IFT172: variants seen among roughly 807,000 people sequenced by gnomAD.
IFT172 encodes intraflagellar transport 172, also known as intraflagellar transport protein 172 homolog.
A neutral mutation model predicts 248.9 loss-of-function variants in IFT172; 164 were observed. The ratio of observed to expected loss-of-function variants is 0.66; its 90% confidence interval spans 0.58 to 0.75. The LOEUF (loss-of-function observed/expected upper bound fraction) is 0.75, where lower values mean the gene tolerates loss of function less well. Ranked by LOEUF, IFT172 falls within the 30% of genes least tolerant of loss-of-function variation. The pLI is 0.00. For missense variants in IFT172, 1,950 were observed against 2,192.4 expected (o/e 0.89, Z 2.21); for synonymous variants, 729 against 791.6 (o/e 0.92, Z 1.33).
Position 27,465,869 on chromosome 2 carries a change from C to G in IFT172, c.1706G>C (p.Gly569Ala). 1 of 1,614,094 alleles carries G rather than the reference C, an allele frequency of 6.2e-7. No individual in the cohort carries two copies. Among genetic ancestry groups the G allele is most frequent in the South Asian group, 1.1e-5 (1 of 91,082 alleles). ...TMFTIRGDVI[G>A]LERGGGKTEV... ...GGTCTTTCCCCCGCCCCGCTCCAGA[C>G]CTATAACATCACCCTGTAAAAGTTT... Residue 569 changes from glycine to alanine, a missense_variant, in exon 17 of 48, where the codon GGT (glycine) becomes GCT (alanine). By Grantham distance (60) the Gly-to-Ala change is moderately conservative (BLOSUM62 0). Coordinates refer to ENST00000260570, the MANE Select transcript of IFT172 (RefSeq NM_015662.3).
intron 26 of IFT172, 54 bp from the exon 27 acceptor site, chr2:27,458,277 G>A (rs1407782104): frequency 1.4e-6 from 2 of 1,466,272 alleles, no homozygotes; most frequent in Non-Finnish European, 1.9e-6. Flanking sequence ...AGGGAAGCAG[G>A]GCTTCAAGGA....
rs1332644884 is a variant in IFT172, at chr2:27,463,185, T to C, written c.1938-4A>G. ...TTGGCCCAAAGCAGAAAAGCACCTA[T>C]GGCATGGAAGCAATAACATTAATAG... On this transcript the variant is annotated splice_region_variant and splice_polypyrimidine_tract_variant and intron_variant, in intron 18 of 47. Coordinates refer to ENST00000260570, the MANE Select transcript of IFT172 (RefSeq NM_015662.3). The C allele has an allele frequency of 6.2e-7, 1 of 1,613,704 alleles. No homozygotes were observed. The highest frequency in any genetic ancestry group is 8.5e-7 in the Non-Finnish European group (1 of 1,179,624).
In IFT172 at chr2:27,485,435, C is replaced by T. The variant is rs1251466028; in HGVS notation, c.108G>A (p.Val36=). The T allele has an allele frequency of 5.6e-6, 9 of 1,614,036 alleles. No individual in the cohort carries two copies. Among genetic ancestry groups the T allele is most frequent in the Non-Finnish European group, 7.6e-6 (9 of 1,180,018 alleles). Residue 36 remains valine, a synonymous_variant, in exon 2 of 48, where the codon GTG becomes GTA. Transcript: ENST00000260570. ...CATCATACAGCAAGACCACTCGGTC[C>T]ACTGTGCAGACAGCAAATTTGGCAT... is the stretch of plus-strand genomic sequence containing the variant. ...QNNAKFAVCT[V]DRVVLLYDEH...
intron 1 of IFT172, chr2:27,486,097 C>T (rs1341238431): frequency 6.0e-6 from 1 of 167,188 alleles, no homozygotes; most frequent in Non-Finnish European, 1.5e-5. Flanking sequence ...GGAGGAATGG[C>T]AATGAGCAAA....
At chr2:27,449,114 T>C (rs1665426580) in intron 39 of IFT172, 83 bp from the exon 40 acceptor site, 1 of 1,082,544 alleles carries the variant, frequency 9.2e-7, no homozygotes, top group South Asian at 1.3e-5. Flanking sequence ...CATGTATTTG[T>C]TGAGGGGAAA....
Position 27,453,480 on chromosome 2 carries a change from G to T in IFT172, c.3855C>A (p.His1285Gln), listed in dbSNP as rs776343273. 4 of 1,614,168 alleles carry T rather than the reference G, an allele frequency of 2.5e-6. No homozygotes were observed. Among genetic ancestry groups the T allele is most frequent in the Non-Finnish European group, 3.4e-6 (4 of 1,180,016 alleles). ...GGCTGTACTCTCCAGCCTGCTCCCA[G>T]TGTCGAGCTTGTTCCACAAATCCCT... ...GVEGFVEQARHWEQAGEYSRA... is the reference protein window; with the variant it reads ...GVEGFVEQARQWEQAGEYSRA... Residue 1285 changes from histidine (H) to glutamine (Q), a missense_variant, in exon 35 of 48, where the codon CAC becomes CAA. His to Gln is a conservative substitution (Grantham distance 24). This residue lies in a region of IFT172 where 620 missense variants were observed against 699.0 expected (regional missense o/e 0.89). Coordinates refer to ENST00000260570, the MANE Select transcript of IFT172 (RefSeq NM_015662.3).
Position 27,446,300 on chromosome 2 carries a change from GGTA to G in IFT172, c.4712_4714del (p.Leu1571del). On this transcript the variant is annotated inframe_deletion, in exon 43 of 48. Transcript: ENST00000260570. ...TGCTTCATAGAAGGCTTTGTCTACA[GGTA>G]GTAGCTGGGTGTGACGCAAGAGTGA... The G allele has an allele frequency of 6.2e-7, 1 of 1,614,228 alleles. No individual in the cohort carries two copies. The highest frequency in any genetic ancestry group is 1.1e-5 in the South Asian group (1 of 91,084).
chr2:27,466,597 T>C (rs935991890), intron 16 of IFT172, among the ~76,000 whole-genome samples: 2 of 151,904 alleles, frequency 1.3e-5, no homozygotes, highest in Non-Finnish European at 2.9e-5. Flanking sequence ...AAAAAATACA[T>C]TCAAAGCAAC....
In IFT172 at chr2:27,461,013, A is replaced by G; in HGVS notation, c.2521+2T>C. 6.2e-7 allele frequency: 1 copy of G among 1,614,074 alleles called. No individual in the cohort carries two copies. The highest frequency in any genetic ancestry group is 8.5e-7 in the Non-Finnish European group (1 of 1,180,004). ...AAAGGATGGCTTATAGGTGGCTAGTACCTTTCATGAATGCGTTGCCTTTAC... is the reference window on the plus strand; with the variant it reads ...AAAGGATGGCTTATAGGTGGCTAGTGCCTTTCATGAATGCGTTGCCTTTAC... On this transcript the variant is annotated splice_donor_variant, in intron 23 of 47. Coordinates refer to ENST00000260570, the MANE Select transcript of IFT172 (RefSeq NM_015662.3). LOFTEE classifies it high-confidence loss of function.
At chr2:27,467,337 C>G (rs1667156235) in intron 16 of IFT172, among the ~76,000 whole-genome samples, 1 of 137,706 alleles carries the variant, frequency 7.3e-6, no homozygotes, top group Non-Finnish European at 1.5e-5. Context: ...CTTTGGGAGG[C>G]TCAGGCAGGA....
intron 13 of IFT172, 89 bp from the exon 14 acceptor site, chr2:27,476,815 T>TTTTA (rs1030374576): frequency 7.5e-5 from 56 of 741,962 alleles, no homozygotes; most frequent in African/African-American, 5.0e-4. Context: ...GGGATGAAGC[T>TTTTA]TTTATTTATT....
At position 27,472,254 on chromosome 2, in the gene IFT172, A is replaced by T; in HGVS notation, c.1520T>A (p.Leu507His). 6.2e-7 allele frequency: 1 copy of T among 1,612,888 alleles called. No individual in the cohort carries two copies. The highest frequency in any genetic ancestry group is 8.5e-7 in the Non-Finnish European group (1 of 1,178,928). Reference protein sequence around the residue: ...GHKLLFRDRKLRLHLYDIESC... With the variant: ...GHKLLFRDRKHRLHLYDIESC... ...GGCCTTAGTAGCTCTTCTCACACGA[A>T]GTTTCCGGTCCCTGAAGAGGAGCTT... The change falls in exon 15 of 48, where the codon CTT becomes CAT. Residue 507 changes from leucine (L) to histidine (H), a missense_variant. Leu to His is a moderately conservative substitution (Grantham distance 99). Around this residue, in one of 3 missense-constraint regions of IFT172, gnomAD observed 1,166 missense variants for 1,254.1 expected, o/e 0.93. Transcript: ENST00000260570.
intron 15 of IFT172, 32 bp downstream of exon 15, chr2:27,472,218 C>T: frequency 1.3e-6 from 2 of 1,510,646 alleles, no homozygotes; most frequent in Non-Finnish European, 1.8e-6. Context: ...TGTGGGCCAG[C>T]CAATGCCTAA....
At chr2:27,469,093 T>C (rs1312548333) in intron 16 of IFT172, among the ~76,000 whole-genome samples, 1 of 152,108 alleles carries the variant, frequency 6.6e-6, no homozygotes, top group Non-Finnish European at 1.5e-5. Flanking sequence ...CATCTTTCAC[T>C]AAAGAAATTT....
intron 14 of IFT172, among the ~76,000 whole-genome samples, chr2:27,474,578 T>G (rs1307304201): frequency 2.0e-5 from 3 of 151,948 alleles, no homozygotes; most frequent in Non-Finnish European, 4.4e-5. Context: ...GGAGACGGAG[T>G]TTCACTCTTA....
intron 15 of IFT172, 196 bp downstream of exon 15, chr2:27,472,053 AG>A (rs1189368861): frequency 2.8e-5 from 16 of 564,212 alleles, no homozygotes; most frequent in Non-Finnish European, 4.7e-5. Flanking sequence ...AAAAAAAAAA[AG>A]AGGTAATAAA....
In IFT172 at chr2:27,446,188, G is replaced by T. The variant is rs1665078808; in HGVS notation, c.4755+72C>A. 4.8e-6 allele frequency: 7 copies of T among 1,472,044 alleles called. 1 individual carries two copies. Among genetic ancestry groups the T allele is most frequent in the Non-Finnish European group, 6.6e-6 (7 of 1,052,876 alleles). 91.2% of individuals were successfully genotyped at this position (1,472,044 alleles called of 1,614,324 possible). A position where few individuals can be genotyped will look rare whatever the true frequency, so the allele number is the denominator to read the frequency against. ...CTACACTCAGCTTTCCTCTACCAGA[G>T]CAGAAGGGATATTCTATTTTCCAAC... On this transcript the variant is annotated intron_variant, in intron 43 of 47. Transcript: ENST00000260570.
chr2:27,466,052 T>C (rs1281416653), intron 16 of IFT172, 170 bp from the exon 17 acceptor site: 1 of 739,346 alleles, frequency 1.4e-6, no homozygotes, highest in East Asian at 2.5e-5. Flanking sequence ...ACTTCATTTA[T>C]AGCAATATCC....
At chr2:27,470,768 G>A in intron 16 of IFT172, 160 bp downstream of exon 16, 1 of 590,196 alleles carries the variant, frequency 1.7e-6, no homozygotes, top group East Asian at 3.3e-5. Context: ...GAAAAAGGAT[G>A]GTTCTGGGGG....
Sources: allele counts gnomAD v4.1 joint callset (sites outside exome capture counted in the v4.1 genomes callset), GRCh38; gene constraint gnomAD v4.1.1; regional missense constraint gnomAD v4.1.1; transcripts MANE v1.5; gene names NCBI Gene and HGNC (gene_info 2026-07-23, HGNC 2026-07-21).